IQUB: variants seen among roughly 807,000 people sequenced by gnomAD.
The protein encoded by IQUB is IQ motif and ubiquitin domain containing.
Under a neutral mutation model 86.4 loss-of-function variants are expected in IQUB, and 86 were observed. That is an observed-to-expected ratio of 1.00 (90% confidence interval 0.84 to 1.19). The LOEUF (loss-of-function observed/expected upper bound fraction) is 1.19, where lower values mean the gene tolerates loss of function less well. Among genes scored for constraint, IQUB ranks in the 50% most tolerant of loss-of-function variants. The probability of loss-of-function intolerance (pLI) is 0.00; values close to 1 mark genes in which losing one functional copy is unlikely to be tolerated. For missense variants in IQUB, 946 were observed against 916.9 expected, an observed-to-expected ratio of 1.03 and a Z score of -0.41; for synonymous variants, 289 against 304.5, an observed-to-expected ratio of 0.95 and a Z score of 0.53.
At chr7:123,497,563 T>C (rs1795756979) in intron 6 of IQUB, among the ~76,000 whole-genome samples, 4 of 152,056 alleles carry the variant, frequency 2.6e-5, no homozygotes, top group Non-Finnish European at 5.9e-5. Flanking sequence ...AAAAAGTTTA[T>C]GATATAGCTG....
chr7:123,481,999 G>A lies in IQUB; in HGVS notation c.1235-2029C>T, dbSNP rs900934425. On this transcript the variant is annotated intron_variant, in intron 7 of 12. Transcript: ENST00000324698. ...TGGCACACTTGAAAAAAAGTGACACGAAAGGTGAAATTTAAACGGTTAGCA... is the reference window on the plus strand; with the variant it reads ...TGGCACACTTGAAAAAAAGTGACACAAAAGGTGAAATTTAAACGGTTAGCA... Among the ~76,000 whole-genome samples the A allele has an allele frequency of 6.6e-5, 10 of 151,786 alleles. No homozygotes were observed. In the South Asian group the frequency reaches 1.5e-3, roughly 22 times the overall value.
intron 7 of IQUB, among the ~76,000 whole-genome samples, chr7:123,489,644 G>A (rs1425692956): frequency 6.6e-6 from 1 of 151,660 alleles, no homozygotes; most frequent in Admixed American, 6.6e-5. Context: ...TTAAACAGGA[G>A]TTTAGAGAAG....
intron 3 of IQUB, among the ~76,000 whole-genome samples, chr7:123,505,742 T>C (rs1796150155): frequency 6.6e-6 from 1 of 152,222 alleles, no homozygotes; most frequent in Non-Finnish European, 1.5e-5. Context: ...GTCTCTGAAA[T>C]GACTTTGAGG....
At chr7:123,500,476 C>A (rs979074534) in intron 6 of IQUB, among the ~76,000 whole-genome samples, 1 of 151,938 alleles carries the variant, frequency 6.6e-6, no homozygotes, top group Admixed American at 6.6e-5. Context: ...CCAAAAATAT[C>A]AGTAGTCACG....
At chr7:123,460,386 AC>A (rs1021124976) in intron 11 of IQUB, among the ~76,000 whole-genome samples, 8 of 151,468 alleles carry the variant, frequency 5.3e-5, no homozygotes, top group African/African-American at 1.7e-4. Context: ...GAATTTTTTA[AC>A]AAAGCACATC....
chr7:123,462,909 T>C, intron 10 of IQUB: 1 of 446,106 alleles, frequency 2.2e-6, no homozygotes, highest in Admixed American at 2.4e-5. Context: ...AGCTACAGAA[T>C]TAAACTCTAC....
intron 1 of IQUB, among the ~76,000 whole-genome samples, chr7:123,513,066 T>C (rs1285233906): frequency 1.3e-5 from 2 of 152,180 alleles, no homozygotes; most frequent in African/African-American, 4.8e-5. Flanking sequence ...ATAGGGAAGG[T>C]AGCCCCCAGA....
intron 10 of IQUB, among the ~76,000 whole-genome samples, chr7:123,463,998 G>A (rs10282031): frequency 0.33 from 49,204 of 151,268 alleles, 8,247 homozygotes; most frequent in African/African-American, 0.4. Context: ...TTAAAAATCA[G>A]TTTAAAAAAT....
chr7:123,465,341 G>C (rs1365800292), intron 9 of IQUB, among the ~76,000 whole-genome samples: 1 of 151,894 alleles, frequency 6.6e-6, no homozygotes, highest in Non-Finnish European at 1.5e-5. Context: ...GATTTATACA[G>C]AGGTGGTAAA....
chr7:123,471,817 C>A (rs1794535867), intron 8 of IQUB, among the ~76,000 whole-genome samples: 1 of 152,128 alleles, frequency 6.6e-6, no homozygotes, highest in South Asian at 2.1e-4. Flanking sequence ...AATCCTATTG[C>A]ACTTGTAAAA....
chr7:123,479,811 T>C lies in IQUB; in HGVS notation c.1394A>G (p.Gln465Arg). The C allele has an allele frequency of 1.2e-6, 2 of 1,611,462 alleles. No individual in the cohort carries two copies. Among genetic ancestry groups the C allele is most frequent in the Non-Finnish European group, 1.7e-6 (2 of 1,178,774 alleles). ...AYMANQEAAI[Q>R]AFLDKCSAPK... ...TTCACTAACCTTATCCAAAAAAGCT[T>C]GTATTGCTGCTTCCTGATTTGCCAT... Residue 465 changes from glutamine to arginine, a missense_variant, in exon 8 of 13, where the codon CAA (glutamine) becomes CGA (arginine). Transcript: ENST00000324698.
chr7:123,480,281 G>A (rs185862069), intron 7 of IQUB, among the ~76,000 whole-genome samples: 4 of 152,186 alleles, frequency 2.6e-5, no homozygotes, highest in Admixed American at 2.0e-4. Context: ...AGCCATGAGC[G>A]TGCACTGTTC....
At chr7:123,531,989 A>AAAG (rs1384177742) in intron 1 of IQUB, among the ~76,000 whole-genome samples, 1 of 152,198 alleles carries the variant, frequency 6.6e-6, no homozygotes, top group East Asian at 1.9e-4. Context: ...TCACGCTGGC[A>AAAG]AAGCTTCTAG....
chr7:123,484,096 T>C (rs983367055), intron 7 of IQUB, among the ~76,000 whole-genome samples: 2 of 152,078 alleles, frequency 1.3e-5, no homozygotes, highest in African/African-American at 4.8e-5. Context: ...CTTGGTCAGG[T>C]CTAACACTTG....
intron 1 of IQUB, among the ~76,000 whole-genome samples, chr7:123,527,923 G>A (rs898172059): frequency 2.0e-5 from 3 of 152,180 alleles, no homozygotes; most frequent in South Asian, 2.1e-4. Flanking sequence ...CCTCGCTGCC[G>A]CCTTGCAGTT....
At chr7:123,456,223 A>C (rs996165666) in intron 12 of IQUB, among the ~76,000 whole-genome samples, 5 of 152,112 alleles carry the variant, frequency 3.3e-5, no homozygotes, top group African/African-American at 1.2e-4. Flanking sequence ...TTGATACTGC[A>C]GTAATTTGAT....
In IQUB at chr7:123,496,863, A is replaced by AT; in HGVS notation, c.1066dup (p.Ile356AsnfsTer41). ...CTGTCTTCTTAAATTCTCTACGAAG[A>AT]TTTTAGCATGCCATTGCCTGTAGTA... is the stretch of plus-strand genomic sequence containing the variant. On this transcript the variant is annotated frameshift_variant, in exon 7 of 13. Coordinates refer to ENST00000324698, the MANE Select transcript of IQUB (RefSeq NM_178827.5). LOFTEE classifies it high-confidence loss of function. The AT allele has an allele frequency of 6.2e-7, 1 of 1,612,378 alleles. No individual in the cohort carries two copies. The highest frequency in any genetic ancestry group is 8.5e-7 in the Non-Finnish European group (1 of 1,179,316).
chr7:123,453,401 T>C (rs1243788633), intron 12 of IQUB, among the ~76,000 whole-genome samples: 1 of 148,192 alleles, frequency 6.7e-6, no homozygotes, highest in African/African-American at 2.5e-5. Flanking sequence ...CTAAATATCT[T>C]CCAAGATTAT....
chr7:123,527,530 AACAG>A (rs1797296000), intron 1 of IQUB, among the ~76,000 whole-genome samples: 1 of 152,006 alleles, frequency 6.6e-6, no homozygotes, highest in Admixed American at 6.5e-5. Context: ...TTTTCCTTCA[AACAG>A]ACAGGACCCT....
Sources: allele counts gnomAD v4.1 joint callset (sites outside exome capture counted in the v4.1 genomes callset), GRCh38; gene constraint gnomAD v4.1.1; transcripts MANE v1.5; gene names NCBI Gene and HGNC (gene_info 2026-07-23, HGNC 2026-07-21).